Variants in ARHGAP40 observed in about 807,000 individuals in gnomAD.
The protein encoded by ARHGAP40 is Rho GTPase activating protein 40.
A neutral mutation model predicts 73.5 loss-of-function variants in ARHGAP40; 43 were observed. That is an observed-to-expected ratio of 0.58 (90% CI 0.46 to 0.75). ARHGAP40 has a LOEUF of 0.75. ARHGAP40 is among the 30% of genes least tolerant of loss of function. The probability of loss-of-function intolerance (pLI) is 0.00; values close to 1 mark genes in which losing one functional copy is unlikely to be tolerated. For synonymous variants in ARHGAP40, 300 were observed against 352.8 expected (o/e 0.85, Z 1.68); for missense variants, 734 against 861.8 (o/e 0.85, Z 1.86).
rs1601142767 is a variant in ARHGAP40 at position 38,629,003 on chromosome 20, G to C, written c.634+1G>C. 7.7e-7 allele frequency: 1 copy of C among 1,304,644 alleles called. No individual in the cohort carries two copies. Among genetic ancestry groups the C allele is most frequent in the East Asian group, 5.6e-5 (1 of 17,988 alleles). The allele number at this position is 1,304,644 out of a possible 1,614,324, so 80.8% of individuals were successfully genotyped here. On this transcript the variant is annotated splice_donor_variant, in intron 4 of 14. Coordinates refer to ENST00000373345, the Ensembl canonical transcript of ARHGAP40. LOFTEE classifies it high-confidence loss of function. ...TCCGGGGCCTCTAAGTTTCCTCCAG[G>C]TAAGTGGTCTTCATTCTCCAGGGCC... is the stretch of plus-strand genomic sequence containing the variant.
intron 2 of ARHGAP40, among the ~76,000 whole-genome samples, chr20:38,625,038 C>A (rs1399335576): frequency 6.6e-6 from 1 of 152,256 alleles, no homozygotes; most frequent in Non-Finnish European, 1.5e-5. Flanking sequence ...CCACATGGAA[C>A]CCTTCCTGGT....
At chr20:38,610,672 A>G (rs753935186) in intron 1 of ARHGAP40, among the ~76,000 whole-genome samples, 1 of 152,180 alleles carries the variant, frequency 6.6e-6, no homozygotes. Context: ...TTAATTTGCA[A>G]TTGGTTAGAG....
At chr20:38,630,549 C>T (rs1257964838) in intron 5 of ARHGAP40, among the ~76,000 whole-genome samples, 1 of 151,816 alleles carries the variant, frequency 6.6e-6, no homozygotes, top group Non-Finnish European at 1.5e-5. Flanking sequence ...ATTCAGTTAT[C>T]CCAGCATAGT....
chr20:38,613,215 G>C (rs1042896292), intron 1 of ARHGAP40, among the ~76,000 whole-genome samples: 3 of 152,210 alleles, frequency 2.0e-5, no homozygotes, highest in African/African-American at 7.2e-5. Flanking sequence ...ATCTCAGATG[G>C]AGATTGGTAG....
Position 38,646,276 on chromosome 20 carries a change from C to T in ARHGAP40, c.1710+89C>T. On this transcript the variant is annotated intron_variant, in intron 12 of 14. Transcript: ENST00000373345. The surrounding 1 kb of genome is among the most constrained non-coding windows in gnomAD (Gnocchi z 4.5). ...CGGTGCTTCCCTTCCTCCAGGTCCC[C>T]GCTACCGGGCTGCCAGCAACGGCCC... 8.5e-7 allele frequency: 1 copy of T among 1,182,742 alleles called. No individual in the cohort carries two copies. Among genetic ancestry groups the T allele is most frequent in the Non-Finnish European group, 1.1e-6 (1 of 928,446 alleles). 73.3% of individuals were successfully genotyped at this position (1,182,742 alleles called of 1,614,324 possible).
At chr20:38,618,833 C>T (rs1264326195) in intron 1 of ARHGAP40, among the ~76,000 whole-genome samples, 7 of 152,132 alleles carry the variant, frequency 4.6e-5, no homozygotes, top group South Asian at 2.1e-4. Flanking sequence ...TCTCATCGCT[C>T]GACCTCTGCT....
At position 38,615,680 on chromosome 20, in the gene ARHGAP40, G is replaced by A. The variant is rs532900442; in HGVS notation, c.138-7679G>A. On this transcript the variant is annotated intron_variant, in intron 1 of 14. Coordinates refer to ENST00000373345, the Ensembl canonical transcript of ARHGAP40. ...TTGGAGATAGGGTGGAACATGGAGC[G>A]TGCACACAGCCAGTGGCGTGTGCAC... Among the ~76,000 whole-genome samples the A allele has an allele frequency of 9.2e-5, 14 of 152,254 alleles. No individual in the cohort carries two copies. In the South Asian group the frequency reaches 1.5e-3, roughly 16 times the overall value.
At chr20:38,645,229 T>C (rs1479300516) in intron 11 of ARHGAP40, among the ~76,000 whole-genome samples, 1 of 152,120 alleles carries the variant, frequency 6.6e-6, no homozygotes, top group African/African-American at 2.4e-5. Flanking sequence ...TCAACTCCTC[T>C]GTCGAAAGTC....
chr20:38,608,858 A>G (rs114967987), intron 1 of ARHGAP40, among the ~76,000 whole-genome samples: 1,547 of 152,282 alleles, frequency 0.01, 27 homozygotes, highest in African/African-American at 0.036. Flanking sequence ...CTCGGGGACA[A>G]TCAATTTTCT....
chr20:38,623,381 A>G (rs1411028751), exon 2 of ARHGAP40: 1 of 1,290,678 alleles, frequency 7.7e-7, no homozygotes, highest in Admixed American at 2.3e-5. Flanking sequence ...CTCAGGCCGA[A>G]TGGATCAGCT....
chr20:38,635,149 G>A (rs917414399), intron 6 of ARHGAP40, among the ~76,000 whole-genome samples: 1 of 152,020 alleles, frequency 6.6e-6, no homozygotes. Context: ...CAAAGTGCTG[G>A]GATTACAGGT....
At chr20:38,609,433 C>T (rs1156622232) in intron 1 of ARHGAP40, among the ~76,000 whole-genome samples, 10 of 152,232 alleles carry the variant, frequency 6.6e-5, no homozygotes, top group African/African-American at 2.4e-4. Context: ...CTTTGAGAAC[C>T]ACTGGGTTAA....
At chr20:38,616,769 T>C (rs1464090528) in intron 1 of ARHGAP40, among the ~76,000 whole-genome samples, 1 of 152,114 alleles carries the variant, frequency 6.6e-6, no homozygotes, top group Non-Finnish European at 1.5e-5. Flanking sequence ...CAGGGAACAT[T>C]TGGCAAGGTC....
chr20:38,602,882 A>G (rs568291637), intron 1 of ARHGAP40, among the ~76,000 whole-genome samples: 1 of 152,170 alleles, frequency 6.6e-6, no homozygotes, highest in Non-Finnish European at 1.5e-5. Flanking sequence ...AACTTTATGG[A>G]TATCTTTGGT....
chr20:38,625,694 C>T (rs2145602949), intron 2 of ARHGAP40, among the ~76,000 whole-genome samples: 1 of 152,296 alleles, frequency 6.6e-6, no homozygotes, highest in East Asian at 1.9e-4. Flanking sequence ...GCTGGGATTA[C>T]AGGCATGAGC....
intron 1 of ARHGAP40, 120 bp downstream of exon 1, chr20:38,602,199 A>G (rs1389076467): frequency 8.7e-7 from 1 of 1,153,548 alleles, no homozygotes; most frequent in Non-Finnish European, 1.1e-6. Context: ...AGATGAGGAA[A>G]CAGAGGCTTG....
chr20:38,622,325 G>T (rs73905651), intron 1 of ARHGAP40, among the ~76,000 whole-genome samples: 1,872 of 152,092 alleles, frequency 0.012, 34 homozygotes, highest in African/African-American at 0.042. Context: ...CTCTCTTCTG[G>T]CAGGGGTAGT....
At chr20:38,635,409 A>G (rs1288107595) in intron 6 of ARHGAP40, among the ~76,000 whole-genome samples, 3 of 152,222 alleles carry the variant, frequency 2.0e-5, no homozygotes, top group African/African-American at 7.2e-5. Flanking sequence ...CACACCTGTA[A>G]TGCCAACAAT....
chr20:38,618,829 C>T (rs369852258), intron 1 of ARHGAP40, among the ~76,000 whole-genome samples: 93 of 152,248 alleles, frequency 6.1e-4, no homozygotes, highest in Admixed American at 2.1e-3. Context: ...GAAGTCTCAT[C>T]GCTCGACCTC....
Sources: gnomAD v4.1 joint callset for allele counts (sites outside exome capture counted in the v4.1 genomes callset) on GRCh38, gnomAD v4.1.1 for gene constraint, Gnocchi (gnomAD v3.1) non-coding constraint, MANE v1.5 for transcripts, NCBI Gene and HGNC (gene_info 2026-07-23, HGNC 2026-07-21) for gene names.